RABGAP1L: variants seen among roughly 807,000 people sequenced by gnomAD.
RABGAP1L encodes the protein RAB GTPase activating protein 1 like.
RABGAP1L carries 63 observed loss-of-function variants against 137.7 expected under a neutral mutation model. That is an observed-to-expected ratio of 0.46 (90% CI 0.37 to 0.56). The LOEUF (loss-of-function observed/expected upper bound fraction) is 0.56. Among genes scored for constraint, RABGAP1L ranks in the 20% least tolerant of loss-of-function variants. RABGAP1L has a pLI of 0.00. For synonymous variants in RABGAP1L, 431 were observed against 433.7 expected, an observed-to-expected ratio of 0.99 and a Z score of 0.08; for missense variants, 1,095 against 1,244.0, an observed-to-expected ratio of 0.88 and a Z score of 1.80.
intron 19 of RABGAP1L, among the ~76,000 whole-genome samples, chr1:174,921,884 G>A (rs372258439): frequency 6.6e-6 from 1 of 152,094 alleles, no homozygotes; most frequent in East Asian, 1.9e-4. Flanking sequence ...GCATTTGTAG[G>A]TGAGCACTAA....
chr1:174,283,193 A>G (rs1044535514), intron 10 of RABGAP1L, among the ~76,000 whole-genome samples: 5 of 151,944 alleles, frequency 3.3e-5, no homozygotes, highest in African/African-American at 1.2e-4. Context: ...ACTTGAGGCC[A>G]GGAGTTTGAG....
intron 13 of RABGAP1L, among the ~76,000 whole-genome samples, chr1:174,606,324 C>T (rs921084814): frequency 1.3e-5 from 2 of 152,106 alleles, no homozygotes; most frequent in African/African-American, 2.4e-5. Flanking sequence ...TATAAAGGTG[C>T]TTGTCCCTAG....
At chr1:174,678,343 A>G (rs1677792809) in intron 14 of RABGAP1L, among the ~76,000 whole-genome samples, 1 of 152,196 alleles carries the variant, frequency 6.6e-6, no homozygotes, top group African/African-American at 2.4e-5. Flanking sequence ...AGAGTGACAG[A>G]GAACACTGAC....
In RABGAP1L at chr1:174,506,322, C is replaced by T. The variant is rs1289283504; in HGVS notation, c.1710+112177C>T. Reference sequence around the variant, plus strand: ...TATAGCCACTCTGGTGCTACCATGGCAGAGATAAATAGTCAGAAAGAGGTT... The same window carrying T: ...TATAGCCACTCTGGTGCTACCATGGTAGAGATAAATAGTCAGAAAGAGGTT... On this transcript the variant is annotated intron_variant, in intron 13 of 25. Coordinates refer to ENST00000681986, the MANE Select transcript of RABGAP1L (RefSeq NM_001366446.1). 2.0e-5 allele frequency among the ~76,000 whole-genome samples: 3 copies of T among 152,092 alleles called. No homozygotes were observed. The East Asian group carries it at 5.8e-4, about 29-fold the overall frequency.
intron 19 of RABGAP1L, among the ~76,000 whole-genome samples, chr1:174,887,405 A>C (rs1174069066): frequency 6.6e-6 from 1 of 152,222 alleles, no homozygotes; most frequent in Non-Finnish European, 1.5e-5. Flanking sequence ...ACTCATTGAA[A>C]AATGAGATAA....
At chr1:174,225,907 T>C (rs914285589) in intron 3 of RABGAP1L, among the ~76,000 whole-genome samples, 1 of 152,112 alleles carries the variant, frequency 6.6e-6, no homozygotes, top group African/African-American at 2.4e-5. Flanking sequence ...CCTCTTTGCT[T>C]TGGTATTTTA....
intron 10 of RABGAP1L, among the ~76,000 whole-genome samples, chr1:174,286,440 T>G (rs1676056161): frequency 6.6e-6 from 1 of 152,192 alleles, no homozygotes; most frequent in South Asian, 2.1e-4. Flanking sequence ...ATTTTATTTA[T>G]TTGAGTCCTC....
At chr1:174,292,558 A>G (rs1676733187) in intron 10 of RABGAP1L, among the ~76,000 whole-genome samples, 1 of 150,728 alleles carries the variant, frequency 6.6e-6, no homozygotes, top group Non-Finnish European at 1.5e-5. Context: ...ATATTTTTAG[A>G]TTTTCCTTTT....
intron 13 of RABGAP1L, among the ~76,000 whole-genome samples, chr1:174,623,949 T>C (rs2148284459): frequency 6.6e-6 from 1 of 152,314 alleles, no homozygotes; most frequent in Admixed American, 6.5e-5. Context: ...TAAAAGCAGA[T>C]GAAACCAAAC....
At chr1:174,820,568 G>A (rs1690910465) in intron 19 of RABGAP1L, among the ~76,000 whole-genome samples, 1 of 152,124 alleles carries the variant, frequency 6.6e-6, no homozygotes, top group African/African-American at 2.4e-5. Context: ...AGATGGGACT[G>A]AAAGACTACA....
At chr1:174,177,169 C>T (rs1206558422) in intron 1 of RABGAP1L, among the ~76,000 whole-genome samples, 2 of 152,180 alleles carry the variant, frequency 1.3e-5, no homozygotes, top group Non-Finnish European at 2.9e-5. Context: ...TAATAATTAC[C>T]ATTCTAACTG....
At chr1:174,620,763 A>T (rs1672377513) in intron 13 of RABGAP1L, among the ~76,000 whole-genome samples, 1 of 152,192 alleles carries the variant, frequency 6.6e-6, no homozygotes, top group African/African-American at 2.4e-5. Flanking sequence ...AAGCTAGCGG[A>T]AGGCAAAATA....
intron 19 of RABGAP1L, among the ~76,000 whole-genome samples, chr1:174,894,929 G>T (rs977850207): frequency 1.3e-5 from 2 of 152,044 alleles, no homozygotes. Flanking sequence ...GATAATTTTT[G>T]TATTTTTAGT....
intron 15 of RABGAP1L, among the ~76,000 whole-genome samples, chr1:174,690,744 T>G (rs1029523226): frequency 6.6e-6 from 1 of 152,060 alleles, no homozygotes; most frequent in Non-Finnish European, 1.5e-5. Flanking sequence ...GACTAGAAGT[T>G]TTCATTCTAT....
intron 19 of RABGAP1L, among the ~76,000 whole-genome samples, chr1:174,851,676 CT>C (rs1044796505): frequency 2.3e-3 from 327 of 142,786 alleles, no homozygotes; most frequent in East Asian, 0.014. Context: ...CCATGCACAG[CT>C]TTTTTTTTTT....
intron 1 of RABGAP1L, among the ~76,000 whole-genome samples, chr1:174,210,568 A>G (rs953413240): frequency 2.6e-5 from 4 of 152,202 alleles, no homozygotes; most frequent in East Asian, 1.9e-4. Flanking sequence ...AAAACAGAAC[A>G]AAAACAATGA....
At chr1:174,337,989 T>A (rs1347058961) in intron 11 of RABGAP1L, among the ~76,000 whole-genome samples, 1 of 152,192 alleles carries the variant, frequency 6.6e-6, no homozygotes, top group Non-Finnish European at 1.5e-5. Flanking sequence ...TGAGTTGCGT[T>A]TGACTCAAAT....
At chr1:174,259,056 T>TG (rs998252892) in intron 7 of RABGAP1L, among the ~76,000 whole-genome samples, 13 of 151,964 alleles carry the variant, frequency 8.6e-5, no homozygotes, top group African/African-American at 2.9e-4. Flanking sequence ...CCCAAAGTGC[T>TG]GGGATTACAA....
intron 17 of RABGAP1L, among the ~76,000 whole-genome samples, chr1:174,712,212 G>A (rs1572891359): frequency 6.6e-6 from 1 of 152,312 alleles, no homozygotes; most frequent in South Asian, 2.1e-4. Context: ...CCAGATAAGA[G>A]AATAAAAGCA....
Sources: gnomAD v4.1 joint callset for allele counts (sites outside exome capture counted in the v4.1 genomes callset) on GRCh38, gnomAD v4.1.1 for gene constraint, MANE v1.5 for transcripts, NCBI Gene and HGNC (gene_info 2026-07-23, HGNC 2026-07-21) for gene names.